MYPN: variants seen among roughly 807,000 people sequenced by gnomAD.
The protein encoded by MYPN is sarcomeric protein myopalladin, 145 kDa (MYOP).
In MYPN, 63 loss-of-function variants were observed where a neutral mutation model predicts 129.4. The ratio of observed to expected loss-of-function variants is 0.49; its 90% confidence interval spans 0.40 to 0.60. The LOEUF is 0.60. Ranked by LOEUF, MYPN falls within the 20% of genes least tolerant of loss-of-function variation. MYPN has a pLI of 0.00. For missense variants in MYPN, 1,596 were observed against 1,635.4 expected (o/e 0.98, Z 0.42); for synonymous variants, 629 against 600.9 (o/e 1.05, Z -0.68).
intron 1 of MYPN, among the ~76,000 whole-genome samples, chr10:68,096,379 T>C (rs75251748): frequency 6.6e-6 from 1 of 152,024 alleles, no homozygotes; most frequent in African/African-American, 2.4e-5. Context: ...CTGGCCAATA[T>C]GGTGAAGCCC....
intron 1 of MYPN, among the ~76,000 whole-genome samples, chr10:68,113,758 G>T (rs1437424550): frequency 6.6e-6 from 1 of 151,682 alleles, no homozygotes; most frequent in Admixed American, 6.6e-5. Flanking sequence ...CTTTATGAAG[G>T]TTTAATTGAC....
intron 7 of MYPN, among the ~76,000 whole-genome samples, chr10:68,160,021 TAGC>T (rs2042946862): frequency 6.6e-6 from 1 of 152,172 alleles, no homozygotes; most frequent in Non-Finnish European, 1.5e-5. Context: ...TATCACAAAA[TAGC>T]AGTCTGTAGA....
chr10:68,166,499 G>A lies in MYPN; in HGVS notation c.1806G>A (p.Leu602=), dbSNP rs754999743. ...TTGGGCTTCGTGTGCACTTCAACCT[G>A]CCTGAAGATGACAAAGGAAGTGAAG... is the stretch of plus-strand genomic sequence containing the variant. ...SRIGLRVHFN[L]PEDDKGSEAS... is the part of the protein sequence containing the mutation. The change falls in exon 10 of 20, where the codon CTG becomes CTA. Residue 602 remains leucine (L), a synonymous_variant. Transcript: ENST00000358913. The A allele has an allele frequency of 6.2e-7, 1 of 1,614,118 alleles. No homozygotes were observed. The highest frequency in any genetic ancestry group is 1.7e-5 in the Admixed American group (1 of 60,006).
chr10:68,129,306 T>A lies in MYPN; in HGVS notation c.902+6966T>A, dbSNP rs576336186. On this transcript the variant is annotated intron_variant, in intron 2 of 19. Transcript: ENST00000358913. Reference sequence around the variant, plus strand: ...AAGGTTTTCATAATGAAAATATTTTTAAAAATAATATTAGTAACTTTTACA... The same window carrying A: ...AAGGTTTTCATAATGAAAATATTTTAAAAAATAATATTAGTAACTTTTACA... Among the ~76,000 whole-genome samples the A allele has an allele frequency of 3.9e-5, 6 of 152,366 alleles. No homozygotes were observed. In the East Asian group the frequency reaches 7.7e-4, roughly 20 times the overall value.
At position 68,121,924 on chromosome 10, in the gene MYPN, C is replaced by T; in HGVS notation, c.486C>T (p.Ser162=). The change falls in exon 2 of 20, where the codon TCC becomes TCT. Residue 162 remains serine, a synonymous_variant. Coordinates refer to ENST00000358913, the MANE Select transcript of MYPN (RefSeq NM_032578.4). ...NKAADFIEEL[S]SLFKSHSSKR... is the part of the protein sequence containing the mutation. ...CTGCCGACTTCATTGAAGAGCTATC[C>T]TCCCTTTTCAAATCCCACAGCTCCA... 6.2e-7 allele frequency: 1 copy of T among 1,614,172 alleles called. No individual in the cohort carries two copies. Among genetic ancestry groups the T allele is most frequent in the Admixed American group, 1.7e-5 (1 of 60,026 alleles).
rs144007931 is a variant in MYPN at position 68,098,842 on chromosome 10, T to A, written c.-2+10850T>A. ...TGGGCGACAAGAGCAAGACTCTGTC[T>A]CAAAAAACAAATTTTTTTTGAAAAT... is the stretch of plus-strand genomic sequence containing the variant. On this transcript the variant is annotated intron_variant, in intron 1 of 6. Transcript: ENST00000685154. Among the ~76,000 whole-genome samples the A allele has an allele frequency of 2.5e-3, 370 of 149,866 alleles. 4 individuals are homozygous for A. The highest frequency in any genetic ancestry group is 9.2e-3 in the African/African-American group (362 of 39,292).
At chr10:68,202,039 G>A (rs770512398) in intron 18 of MYPN, 45 bp downstream of exon 18, 1 of 1,604,268 alleles carries the variant, frequency 6.2e-7, no homozygotes, top group African/African-American at 1.3e-5. Context: ...TCTCAGTGGG[G>A]CTTGTTGCGC....
intron 12 of MYPN, among the ~76,000 whole-genome samples, chr10:68,178,521 C>T (rs12251234): frequency 0.013 from 1,971 of 151,978 alleles, 50 homozygotes; most frequent in African/African-American, 0.046. Context: ...TCAAGACCAG[C>T]CTGGCCAACA....
At chr10:68,137,120 A>G (rs2042498841) in intron 2 of MYPN, among the ~76,000 whole-genome samples, 1 of 152,186 alleles carries the variant, frequency 6.6e-6, no homozygotes, top group South Asian at 2.1e-4. Flanking sequence ...AAACATGTTA[A>G]CAAAAAAAAT....
At chr10:68,089,427 C>T (rs1360886773) in intron 1 of MYPN, among the ~76,000 whole-genome samples, 3 of 152,022 alleles carry the variant, frequency 2.0e-5, no homozygotes, top group East Asian at 3.9e-4. Flanking sequence ...CTGCAAGCTC[C>T]GTTTCCCGGG....
At chr10:68,119,469 G>A (rs1051030284) in intron 1 of MYPN, among the ~76,000 whole-genome samples, 1 of 151,472 alleles carries the variant, frequency 6.6e-6, no homozygotes, top group African/African-American at 2.4e-5. Flanking sequence ...GGAGTGCAAT[G>A]GTGCAATCTT....
chr10:68,158,542 A>G lies in MYPN; in HGVS notation c.1374A>G (p.Val458=), dbSNP rs538038536. The change falls in exon 7 of 20, where the codon GTA becomes GTG. Residue 458 remains valine, a synonymous_variant. Transcript: ENST00000358913. The stretch of plus-strand genomic sequence containing the variant: ...AGCTGGTTGTCTTTGAATGCAGAGT[A>G]AAAGGAGCTCCATCTCCTAAGGTTG... ...EGQLVVFECR[V]KGAPSPKVEW... The G allele has an allele frequency of 1.9e-6, 3 of 1,613,388 alleles. No homozygotes were observed. The highest frequency in any genetic ancestry group is 2.2e-5 in the East Asian group (1 of 44,864).
At chr10:68,176,168 T>G (rs770998911) in intron 12 of MYPN, among the ~76,000 whole-genome samples, 1 of 152,204 alleles carries the variant, frequency 6.6e-6, no homozygotes, top group Non-Finnish European at 1.5e-5. Context: ...AAATAGCCAT[T>G]AGGCAACATC....
At position 68,093,894 on chromosome 10, in the gene MYPN, G is replaced by A. The variant is rs974978734; in HGVS notation, c.-2+5902G>A. Among the ~76,000 whole-genome samples, 5 of 152,090 alleles carry A rather than the reference G, an allele frequency of 3.3e-5. No homozygotes were observed. The South Asian group carries it at 1.0e-3, about 31-fold the overall frequency. On this transcript the variant is annotated intron_variant, in intron 1 of 6. Transcript: ENST00000685154. The stretch of plus-strand genomic sequence containing the variant: ...GGGTGGATTATTCACGAGTTTTCCA[G>A]GAAAGGGGTAAATATTTCCCAGAAC...
At chr10:68,159,985 TGCTTTTTTCTTAA>T (rs1388354959) in intron 7 of MYPN, among the ~76,000 whole-genome samples, 6 of 152,228 alleles carry the variant, frequency 3.9e-5, no homozygotes, top group African/African-American at 1.2e-4. Context: ...GTGAGTTATT[TGCTTTTTTCTTAA>T]TCTTTTTCTG....
rs1173658198 is a variant in MYPN, at chr10:68,166,455, C to T, written c.1762C>T (p.Pro588Ser). The stretch of plus-strand genomic sequence containing the variant: ...GGGGGTTCTGGTGAACCACAATGAG[C>T]CCCGGTCCAGCTCCAGGATTGGGCT... ...LEGVLVNHNE[P>S]RSSSRIGLRV... Residue 588 changes from proline (P) to serine (S), a missense_variant, in exon 10 of 20, where the codon CCC becomes TCC. Transcript: ENST00000358913. 2 of 1,614,154 alleles carry T rather than the reference C, an allele frequency of 1.2e-6. No individual in the cohort carries two copies. Among genetic ancestry groups the T allele is most frequent in the South Asian group, 1.1e-5 (1 of 91,080 alleles).
Position 68,202,228 on chromosome 10 carries a change from C to G in MYPN, c.3659+234C>G, listed in dbSNP as rs148961298. Among the ~76,000 whole-genome samples the G allele has an allele frequency of 0.012, 1,855 of 152,198 alleles. 10 individuals are homozygous for G. Among genetic ancestry groups the G allele is most frequent in the Middle Eastern group, 0.048 (14 of 294 alleles). On this transcript the variant is annotated intron_variant, in intron 18 of 19. Coordinates refer to ENST00000358913, the MANE Select transcript of MYPN (RefSeq NM_032578.4). ...CGGGTGGATCACGAGGTCAGGAGAT[C>G]GAGGCCATCCTGGCTAACATAGTGA...
intron 1 of MYPN, among the ~76,000 whole-genome samples, chr10:68,110,767 T>G (rs752875005): frequency 3.9e-5 from 6 of 152,188 alleles, no homozygotes; most frequent in Non-Finnish European, 7.3e-5. Context: ...AACATATTTT[T>G]TAAAACAGAA....
intron 18 of MYPN, among the ~76,000 whole-genome samples, chr10:68,204,371 G>A (rs895083624): frequency 1.3e-5 from 2 of 152,098 alleles, no homozygotes; most frequent in Non-Finnish European, 2.9e-5. Flanking sequence ...GTCTCTCTGC[G>A]GCCAGGCTCA....
Sources: allele counts gnomAD v4.1 joint callset (sites outside exome capture counted in the v4.1 genomes callset), GRCh38; gene constraint gnomAD v4.1.1; transcripts MANE v1.5; gene names NCBI Gene and HGNC (gene_info 2026-07-23, HGNC 2026-07-21).